CCDC171: variants seen among roughly 807,000 people sequenced by gnomAD.
CCDC171 encodes coiled-coil domain-containing protein 171.
Under a neutral mutation model 168.2 loss-of-function variants are expected in CCDC171, and 177 were observed. The ratio of observed to expected loss-of-function variants is 1.05; its 90% CI spans 0.93 to 1.19. The LOEUF is 1.19. Ranked by LOEUF, CCDC171 falls within the 50% of genes most tolerant of loss-of-function variation. CCDC171 has a pLI of 0.00. For synonymous variants in CCDC171, 687 were observed against 540.8 expected, an observed-to-expected ratio of 1.27 and a Z score of -3.75; for missense variants, 1,991 against 1,539.0, an observed-to-expected ratio of 1.29 and a Z score of -4.91.
At position 15,744,872 on chromosome 9, in the gene CCDC171, A is replaced by T. The variant is rs1029119525; in HGVS notation, c.2554+95A>T. On this transcript the variant is annotated intron_variant, in intron 17 of 25. Transcript: ENST00000380701. The stretch of plus-strand genomic sequence containing the variant: ...ATTATGGAAAAACTCTTAAAAAATC[A>T]TGTAATATGCCAAATAATATAACAT... The T allele has an allele frequency of 3.9e-5, 45 of 1,156,522 alleles. No homozygotes were observed. In the South Asian group the frequency reaches 6.2e-4, roughly 16 times the overall value. The allele number at this position is 1,156,522 out of a possible 1,614,324, so 71.6% of individuals were successfully genotyped here. A position where few individuals can be genotyped will look rare whatever the true frequency, so the allele number is the denominator to read the frequency against.
chr9:15,740,679 A>C (rs2054813772), intron 16 of CCDC171, among the ~76,000 whole-genome samples: 1 of 152,046 alleles, frequency 6.6e-6, no homozygotes, highest in African/African-American at 2.4e-5. Context: ...ATCTCAGGTG[A>C]TCCACCCGCC....
chr9:15,996,576 A>G (rs902813468), intron 3 of CCDC171, among the ~76,000 whole-genome samples: 2 of 151,912 alleles, frequency 1.3e-5, no homozygotes, highest in Non-Finnish European at 2.9e-5. Flanking sequence ...ATTTTGGAGT[A>G]TTTAAATTTT....
At chr9:15,974,460 A>G (rs1242938181), downstream of CCDC171, among the ~76,000 whole-genome samples, 1 of 152,182 alleles carries the variant, frequency 6.6e-6, no homozygotes, top group Non-Finnish European at 1.5e-5. Context: ...GACTTCAAAT[A>G]TTTTTGTAGA....
chr9:15,792,705 T>A (rs1014849054), intron 21 of CCDC171, among the ~76,000 whole-genome samples: 3 of 152,098 alleles, frequency 2.0e-5, no homozygotes, highest in African/African-American at 7.2e-5. Flanking sequence ...AACCCAGAAT[T>A]TCATATCCAG....
intron 3 of CCDC171, among the ~76,000 whole-genome samples, chr9:16,012,215 C>T (rs1168314034): frequency 6.6e-6 from 1 of 152,062 alleles, no homozygotes; most frequent in East Asian, 1.9e-4. Flanking sequence ...CACTTTGCTC[C>T]CATGGCCACA....
chr9:15,699,982 C>G (rs1012090761), intron 11 of CCDC171, among the ~76,000 whole-genome samples: 10 of 152,266 alleles, frequency 6.6e-5, no homozygotes, highest in Non-Finnish European at 1.3e-4. Flanking sequence ...CTGGCTTCAC[C>G]CAGTGGATCC....
At chr9:15,780,214 A>T (rs1323704845) in intron 20 of CCDC171, among the ~76,000 whole-genome samples, 1 of 152,070 alleles carries the variant, frequency 6.6e-6, no homozygotes, top group Non-Finnish European at 1.5e-5. Flanking sequence ...ATCATGAATT[A>T]CTCTTAAGCC....
intron 23 of CCDC171, among the ~76,000 whole-genome samples, chr9:15,855,978 T>C (rs555637371): frequency 6.6e-6 from 1 of 152,054 alleles, no homozygotes; most frequent in South Asian, 2.1e-4. Context: ...ATACTGACTT[T>C]TATATTTCCC....
chr9:15,921,845 G>C (rs1048971295), intron 25 of CCDC171, among the ~76,000 whole-genome samples: 1 of 151,308 alleles, frequency 6.6e-6, no homozygotes, highest in South Asian at 2.1e-4. Flanking sequence ...TGATTTGATT[G>C]GTTAATTTTA....
At chr9:15,862,406 C>G (rs1241777618) in intron 23 of CCDC171, among the ~76,000 whole-genome samples, 1 of 151,228 alleles carries the variant, frequency 6.6e-6, no homozygotes, top group Non-Finnish European at 1.5e-5. Context: ...ATTTGTTCCT[C>G]TTAAGTTTTC....
At chr9:15,857,396 A>AT (rs914075420) in intron 23 of CCDC171, among the ~76,000 whole-genome samples, 34 of 151,820 alleles carry the variant, frequency 2.2e-4, no homozygotes, top group Non-Finnish European at 4.3e-4. Flanking sequence ...TTGTAAATAG[A>AT]TTTTTTTTAA....
chr9:15,995,064 A>C (rs77897801), intron 3 of CCDC171, among the ~76,000 whole-genome samples: 7,324 of 152,244 alleles, frequency 0.048, 377 homozygotes, highest in African/African-American at 0.11. Flanking sequence ...AATATATGGC[A>C]TCCTTCATGC....
intron 24 of CCDC171, among the ~76,000 whole-genome samples, chr9:15,889,883 G>A (rs1819959329): frequency 6.6e-6 from 1 of 152,156 alleles, no homozygotes; most frequent in Non-Finnish European, 1.5e-5. Flanking sequence ...TGAGTCCAGT[G>A]GCTTGGTGGT....
intron 7 of CCDC171, among the ~76,000 whole-genome samples, chr9:15,648,575 A>G (rs1699127831): frequency 6.6e-6 from 1 of 152,232 alleles, no homozygotes; most frequent in African/African-American, 2.4e-5. Flanking sequence ...TCAATGTGCA[A>G]AAATCACAAG....
Position 15,768,022 on chromosome 9 carries a change from A to G in CCDC171, c.2672-9578A>G, listed in dbSNP as rs1034920046. Among the ~76,000 whole-genome samples the G allele has an allele frequency of 2.0e-5, 3 of 150,458 alleles. No homozygotes were observed. The East Asian group carries it at 5.9e-4, about 30-fold the overall frequency. On this transcript the variant is annotated intron_variant, in intron 18 of 25. Transcript: ENST00000380701. ...TGTGCTAGCATTCTAGGGGTGAGCC[A>G]CTGCGCCCAGCCACTTAGCTATGTT...
intron 7 of CCDC171, among the ~76,000 whole-genome samples, chr9:15,641,659 G>C (rs746237112): frequency 6.6e-6 from 1 of 152,014 alleles, no homozygotes; most frequent in Non-Finnish European, 1.5e-5. Context: ...TTGCCCTCTT[G>C]AAAGACTGAA....
intron 6 of CCDC171, among the ~76,000 whole-genome samples, chr9:15,622,581 T>A (rs1306672403): frequency 6.6e-6 from 1 of 152,158 alleles, no homozygotes; most frequent in African/African-American, 2.4e-5. Flanking sequence ...CAACAATGAA[T>A]CTAGATTAGT....
intron 25 of CCDC171, among the ~76,000 whole-genome samples, chr9:15,962,006 G>T (rs1031513479): frequency 1.3e-5 from 2 of 152,036 alleles, no homozygotes; most frequent in Admixed American, 6.6e-5. Flanking sequence ...ATTTTAAATA[G>T]TTATGGGAAA....
intron 3 of CCDC171, among the ~76,000 whole-genome samples, chr9:15,993,134 CAAATCA>C (rs1401939908): frequency 1.3e-5 from 2 of 151,752 alleles, no homozygotes; most frequent in Admixed American, 6.6e-5. Flanking sequence ...CCCTCATTGC[CAAATCA>C]ATCCTAAGCC....
Sources: gnomAD v4.1 joint callset for allele counts (sites outside exome capture counted in the v4.1 genomes callset) on GRCh38, gnomAD v4.1.1 for gene constraint, MANE v1.5 for transcripts, NCBI Gene and HGNC (gene_info 2026-07-23, HGNC 2026-07-21) for gene names.